MAPK4: variants seen among roughly 807,000 people sequenced by gnomAD.
MAPK4 encodes the protein mitogen-activated protein kinase 4, also known as Erk3-related.
A neutral mutation model predicts 47.7 loss-of-function variants in MAPK4; 22 were observed. The ratio of observed to expected loss-of-function variants is 0.46; its 90% CI spans 0.33 to 0.66. The LOEUF is 0.66. Ranked by LOEUF, MAPK4 falls within the 30% of genes least tolerant of loss-of-function variation. The pLI is 0.02. For missense variants in MAPK4, 736 were observed against 831.7 expected (o/e 0.88, Z 1.42); for synonymous variants, 390 against 365.7 (o/e 1.07, Z -0.76).
chr18:50,627,263 C>T (rs1440248951), intron 1 of MAPK4, among the ~76,000 whole-genome samples: 1 of 152,178 alleles, frequency 6.6e-6, no homozygotes. Flanking sequence ...GAGTCTGTCC[C>T]ATGGCCTCAT....
chr18:50,726,880 G>A (rs898005191), intron 5 of MAPK4, among the ~76,000 whole-genome samples: 9 of 151,638 alleles, frequency 5.9e-5, no homozygotes, highest in Admixed American at 4.6e-4. Flanking sequence ...TGCCATTAAC[G>A]GGGGCTACAT....
rs950988925 is a variant in MAPK4, at chr18:50,710,775, G to A, written c.547-4304G>A. Among the ~76,000 whole-genome samples the A allele has an allele frequency of 1.0e-4, 14 of 138,392 alleles. No individual in the cohort carries two copies. The East Asian group carries it at 1.0e-3, about 10-fold the overall frequency. The allele number at this position is 138,392 out of a possible 152,430, so 90.8% of individuals were successfully genotyped here. On this transcript the variant is annotated intron_variant, in intron 2 of 5. Transcript: ENST00000400384. ...AGCCTGGGTGACAGAGTGAGACTCC[G>A]TCTCTAAATAAATAAATAAATAAAT...
At chr18:50,710,766 T>G (rs1238593006) in intron 2 of MAPK4, among the ~76,000 whole-genome samples, 2 of 149,600 alleles carry the variant, frequency 1.3e-5, no homozygotes, top group Non-Finnish European at 2.9e-5. Flanking sequence ...GGTGACAGAG[T>G]GAGACTCCGT....
chr18:50,599,037 A>G (rs760567103), intron 1 of MAPK4, among the ~76,000 whole-genome samples: 2 of 152,138 alleles, frequency 1.3e-5, no homozygotes, highest in South Asian at 2.1e-4. Context: ...TTCTCTTTCC[A>G]TACTCTGTTC....
chr18:50,582,899 G>T (rs1442515896), intron 1 of MAPK4, among the ~76,000 whole-genome samples: 1 of 152,238 alleles, frequency 6.6e-6, no homozygotes, highest in Non-Finnish European at 1.5e-5. Context: ...AAAGTCCCAA[G>T]GTCTGAGTCT....
chr18:50,701,627 C>T (rs1013894724), intron 2 of MAPK4, among the ~76,000 whole-genome samples: 7 of 152,128 alleles, frequency 4.6e-5, no homozygotes, highest in African/African-American at 1.7e-4. Context: ...TCATGAGGTC[C>T]TCATGCAAAC....
chr18:50,630,231 C>G (rs541974086), intron 1 of MAPK4, among the ~76,000 whole-genome samples: 1 of 152,318 alleles, frequency 6.6e-6, no homozygotes, highest in East Asian at 1.9e-4. Context: ...CTGTGTCACC[C>G]AGGCTGGAGT....
intron 2 of MAPK4, among the ~76,000 whole-genome samples, chr18:50,707,042 A>G (rs993597716): frequency 6.6e-6 from 1 of 152,248 alleles, no homozygotes; most frequent in Non-Finnish European, 1.5e-5. Context: ...AAAGAAGCCC[A>G]ACTCCATTGC....
Position 50,706,394 on chromosome 18 carries a change from A to AC in MAPK4, c.547-8678dup, listed in dbSNP as rs539766381. Among the ~76,000 whole-genome samples, 221 of 139,230 alleles carry AC rather than the reference A, an allele frequency of 1.6e-3. 2 individuals are homozygous for AC. Among genetic ancestry groups the AC allele is most frequent in the Non-Finnish European group, 9.7e-4 (62 of 64,156 alleles). 91.3% of individuals were successfully genotyped at this position (139,230 alleles called of 152,430 possible). A position where few individuals can be genotyped will look rare whatever the true frequency, so the allele number is the denominator to read the frequency against. ...AAAAAATCACTGATGCCTGGTTCCC[A>AC]CCCCCCCGCCTCCGCCCCCACAGAT... On this transcript the variant is annotated intron_variant, in intron 2 of 5. Transcript: ENST00000400384.
At chr18:50,683,349 C>T (rs922268659) in intron 2 of MAPK4, among the ~76,000 whole-genome samples, 1 of 151,978 alleles carries the variant, frequency 6.6e-6, no homozygotes, top group Non-Finnish European at 1.5e-5. Flanking sequence ...TCTTGAACTC[C>T]TGACCTCGAG....
chr18:50,730,024 C>T lies in MAPK4; in HGVS notation c.*170C>T. Reference sequence around the variant, plus strand: ...TCCATTTCTTAAACTGCCTTAATAACTAGCCTTTAACCTGTGGGAGCGGGT... The same window carrying T: ...TCCATTTCTTAAACTGCCTTAATAATTAGCCTTTAACCTGTGGGAGCGGGT... On this transcript the variant is annotated 3_prime_UTR_variant, in exon 6 of 6. Coordinates refer to ENST00000400384, the MANE Select transcript of MAPK4 (RefSeq NM_002747.4). 8.9e-6 allele frequency: 6 copies of T among 676,192 alleles called. No homozygotes were observed. Among genetic ancestry groups the T allele is most frequent in the Non-Finnish European group, 1.4e-5 (6 of 426,716 alleles). 41.9% of individuals were successfully genotyped at this position (676,192 alleles called of 1,614,324 possible).
At chr18:50,609,173 C>G (rs555772881) in intron 1 of MAPK4, among the ~76,000 whole-genome samples, 2 of 152,018 alleles carry the variant, frequency 1.3e-5, no homozygotes, top group South Asian at 4.1e-4. Flanking sequence ...CCACATTTCC[C>G]CCTTTTCTAT....
At chr18:50,643,576 G>T (rs944877470) in intron 1 of MAPK4, among the ~76,000 whole-genome samples, 1 of 152,150 alleles carries the variant, frequency 6.6e-6, no homozygotes, top group Non-Finnish European at 1.5e-5. Flanking sequence ...ATATCTTCTT[G>T]TCCAGTGCGA....
intron 3 of MAPK4, among the ~76,000 whole-genome samples, chr18:50,716,219 C>A (rs1354279115): frequency 6.6e-6 from 1 of 152,214 alleles, no homozygotes; most frequent in African/African-American, 2.4e-5. Flanking sequence ...CCCCCTCCAT[C>A]TGTCTGAAGC....
chr18:50,639,281 G>T (rs1342203878), intron 1 of MAPK4, among the ~76,000 whole-genome samples: 2 of 152,200 alleles, frequency 1.3e-5, no homozygotes, highest in Non-Finnish European at 2.9e-5. Flanking sequence ...TTAAGCCTGA[G>T]CCAAATTAGT....
chr18:50,613,853 A>G (rs1435746299), intron 1 of MAPK4, among the ~76,000 whole-genome samples: 4 of 152,210 alleles, frequency 2.6e-5, no homozygotes, highest in African/African-American at 9.6e-5. Context: ...TGTTTAGGAC[A>G]TAAGTTTAAT....
intron 2 of MAPK4, among the ~76,000 whole-genome samples, chr18:50,672,652 TG>T (rs1908023616): frequency 6.6e-6 from 1 of 151,932 alleles, no homozygotes; most frequent in Non-Finnish European, 1.5e-5. Context: ...CCACTGAGCT[TG>T]GGGTGATATT....
intron 1 of MAPK4, among the ~76,000 whole-genome samples, chr18:50,609,259 C>T (rs560007025): frequency 6.7e-4 from 101 of 151,748 alleles, no homozygotes; most frequent in Non-Finnish European, 9.3e-4. Context: ...GGGTGGCGGC[C>T]GGGCAGAGGG....
intron 1 of MAPK4, among the ~76,000 whole-genome samples, chr18:50,612,281 A>G (rs1225382565): frequency 1.3e-5 from 2 of 152,232 alleles, no homozygotes; most frequent in Non-Finnish European, 2.9e-5. Flanking sequence ...TTACACCTGC[A>G]GTCCTATAAT....
Sources: allele counts gnomAD v4.1 joint callset (sites outside exome capture counted in the v4.1 genomes callset), GRCh38; gene constraint gnomAD v4.1.1; transcripts MANE v1.5; gene names NCBI Gene and HGNC (gene_info 2026-07-23, HGNC 2026-07-21).